The following G3BP1 variants were observed in gnomAD, a reference collection of about 807,000 sequenced individuals.
G3BP1 encodes the protein G3BP stress granule assembly factor 1.
Under a neutral mutation model 58.6 loss-of-function variants are expected in G3BP1, and 35 were observed. The observed-to-expected ratio is 0.60, with a 90% CI of 0.46 to 0.79. The LOEUF is 0.79. Among genes scored for constraint, G3BP1 ranks in the 30% least tolerant of loss-of-function variants. The probability of loss-of-function intolerance (pLI) is 0.00; values close to 1 mark genes in which losing one functional copy is unlikely to be tolerated. For missense variants in G3BP1, 523 were observed against 580.8 expected (o/e 0.90, Z 1.02); for synonymous variants, 191 against 195.4 (o/e 0.98, Z 0.19).
chr5:151,790,367 C>A lies in G3BP1; in HGVS notation c.140C>A (p.Ser47Ter). Residue 47 changes from serine to a stop codon, truncating the protein, a stop_gained, in exon 3 of 12, where the codon TCA (serine) becomes TAA (stop). Coordinates refer to ENST00000356245, the MANE Select transcript of G3BP1 (RefSeq NM_005754.3). LOFTEE classifies it high-confidence loss of function. Reference protein sequence around the residue: ...NSSYVHGGLDSNGKPADAVYG... With the variant: ...NSSYVHGGLD ...TCTTATGTCCATGGGGGATTGGATT[C>A]AAATGGAAAGCCAGCAGATGCAGTC... 6.3e-7 allele frequency: 1 copy of A among 1,585,286 alleles called. No individual in the cohort carries two copies. Among genetic ancestry groups the A allele is most frequent in the South Asian group, 1.2e-5 (1 of 85,726 alleles).
chr5:151,791,876 C>CT (rs1052318179), intron 4 of G3BP1: 5 of 326,714 alleles, frequency 1.5e-5, no homozygotes, highest in African/African-American at 4.4e-5. Context: ...AGGCTGGTCT[C>CT]TAACTCCTGA....
chr5:151,781,555 A>G (rs78867759), intron 1 of G3BP1, among the ~76,000 whole-genome samples: 1,995 of 152,318 alleles, frequency 0.013, 37 homozygotes, highest in African/African-American at 0.038. Context: ...CCCATACGAA[A>G]TATCACTAAT....
intron 1 of G3BP1, among the ~76,000 whole-genome samples, chr5:151,776,443 A>G (rs1762372266): frequency 6.6e-6 from 1 of 152,194 alleles, no homozygotes; most frequent in Admixed American, 6.5e-5. Context: ...GTGGAAGTAT[A>G]TTAAAGCTAC....
Position 151,786,689 on chromosome 5 carries a change from G to C in G3BP1, c.69G>C (p.Leu23=). The C allele has an allele frequency of 6.2e-7, 1 of 1,611,274 alleles. No homozygotes were observed. The highest frequency in any genetic ancestry group is 8.5e-7 in the Non-Finnish European group (1 of 1,177,428). ...TTGTGAGACAGTATTACACACTGCT[G>C]AACCAGGCCCCAGACATGCTGCATA... ...REFVRQYYTL[L]NQAPDMLHRF... The change falls in exon 2 of 12, where the codon CTG becomes CTC. Residue 23 remains leucine (L), a synonymous_variant. Coordinates refer to ENST00000356245, the MANE Select transcript of G3BP1 (RefSeq NM_005754.3).
intron 1 of G3BP1, among the ~76,000 whole-genome samples, chr5:151,783,769 C>T (rs550736396): frequency 1.3e-5 from 2 of 151,744 alleles, no homozygotes; most frequent in East Asian, 1.9e-4. Context: ...CCTAAACATT[C>T]TTTTTTTTCT....
At chr5:151,783,603 C>T (rs1388555568) in intron 1 of G3BP1, among the ~76,000 whole-genome samples, 1 of 151,490 alleles carries the variant, frequency 6.6e-6, no homozygotes, top group Non-Finnish European at 1.5e-5. Context: ...GTTGGCCAGG[C>T]TCATCTCAAA....
chr5:151,800,044 G>C (rs747357261), intron 9 of G3BP1, 44 bp downstream of exon 9: 1 of 1,348,530 alleles, frequency 7.4e-7, no homozygotes, highest in South Asian at 1.2e-5. Flanking sequence ...GGATTTTGAG[G>C]TGAGAGCTTA....
At chr5:151,774,354 T>C (rs536790841) in intron 1 of G3BP1, among the ~76,000 whole-genome samples, 24 of 152,124 alleles carry the variant, frequency 1.6e-4, no homozygotes, top group Admixed American at 1.3e-3. Flanking sequence ...TTTTTTTTTT[T>C]CCCACTCGTT....
In G3BP1 at chr5:151,804,630, G is replaced by A. The variant is rs1762912472; in HGVS notation, c.*539G>A. The A allele has an allele frequency of 6.6e-6, 1 of 152,462 alleles. No individual in the cohort carries two copies. Among genetic ancestry groups the A allele is most frequent in the Non-Finnish European group, 1.5e-5 (1 of 68,022 alleles). 9.4% of individuals were successfully genotyped at this position (152,462 alleles called of 1,614,324 possible). A position where few individuals can be genotyped will look rare whatever the true frequency, so the allele number is the denominator to read the frequency against. On this transcript the variant is annotated 3_prime_UTR_variant, in exon 12 of 12. Transcript: ENST00000356245. The stretch of plus-strand genomic sequence containing the variant: ...AATTTGACAATTTTGATTCTCACTG[G>A]TATGTTTAAAAACTGAATAAAAGGA...
At chr5:151,792,287 ATC>A (rs1762672888) in intron 4 of G3BP1, 1 of 234,344 alleles carries the variant, frequency 4.3e-6, no homozygotes, top group Middle Eastern at 8.4e-4. Context: ...TCTAGCATTA[ATC>A]TTAAGTTTTC....
Position 151,804,101 on chromosome 5 carries a change from G to T in G3BP1, c.*10G>T, listed in dbSNP as rs558305306. ...TGCGCCACGGCAGTGAATCTTCATG[G>T]ATCTTCATGCAGCCATACAAACCCT... On this transcript the variant is annotated 3_prime_UTR_variant, in exon 12 of 12. Coordinates refer to ENST00000356245, the MANE Select transcript of G3BP1 (RefSeq NM_005754.3). 6.4e-7 allele frequency: 1 copy of T among 1,568,712 alleles called. No homozygotes were observed. Among genetic ancestry groups the T allele is most frequent in the Non-Finnish European group, 8.7e-7 (1 of 1,150,126 alleles).
chr5:151,783,175 T>A (rs898904823), intron 1 of G3BP1, among the ~76,000 whole-genome samples: 1 of 152,062 alleles, frequency 6.6e-6, no homozygotes, highest in African/African-American at 2.4e-5. Context: ...ACTAATCTGT[T>A]TAAATTTGCT....
chr5:151,805,457 G>T lies in G3BP1; in HGVS notation c.*1366G>T, dbSNP rs987155977. ...GTTTACACGTGTGAAACAAACTTTT[G>T]TGTGATTGTCATTACTAATTGAAGG... On this transcript the variant is annotated 3_prime_UTR_variant, in exon 12 of 12. Coordinates refer to ENST00000356245, the MANE Select transcript of G3BP1 (RefSeq NM_005754.3). The T allele has an allele frequency of 1.3e-5, 2 of 152,402 alleles. No individual in the cohort carries two copies. Among genetic ancestry groups the T allele is most frequent in the Admixed American group, 6.5e-5 (1 of 15,280 alleles). 9.4% of individuals were successfully genotyped at this position (152,402 alleles called of 1,614,324 possible).
intron 11 of G3BP1, 21 bp downstream of exon 11, chr5:151,800,890 A>ATTTT (rs200261823): frequency 1.3e-5 from 11 of 836,754 alleles, no homozygotes; most frequent in Non-Finnish European, 1.5e-5. Context: ...TTTTGTCTTG[A>ATTTT]TTTTTTTTTT....
At chr5:151,778,859 C>T (rs1222298209) in intron 1 of G3BP1, among the ~76,000 whole-genome samples, 6 of 151,790 alleles carry the variant, frequency 4.0e-5, no homozygotes, top group Non-Finnish European at 8.8e-5. Context: ...GGGTTCGAGA[C>T]CAGCCTGGGC....
chr5:151,791,440 C>T (rs1471885421), intron 4 of G3BP1: 1 of 173,390 alleles, frequency 5.8e-6, no homozygotes, highest in African/African-American at 2.4e-5. Flanking sequence ...TTACACATTG[C>T]ATTTAGCTAT....
chr5:151,779,387 A>G (rs1042290966), intron 1 of G3BP1, among the ~76,000 whole-genome samples: 1 of 151,922 alleles, frequency 6.6e-6, no homozygotes, highest in African/African-American at 2.4e-5. Context: ...TATGATATCT[A>G]ATTGTTTCAG....
Position 151,811,256 on chromosome 5 carries a change from T to A in G3BP1, c.*7165T>A, listed in dbSNP as rs935577168. Reference sequence around the variant, plus strand: ...ATGTATTCCATGTATGTGTTCTCTCTCCCCTATTAGACTGTAAGCTCCTTA... The same window carrying A: ...ATGTATTCCATGTATGTGTTCTCTCACCCCTATTAGACTGTAAGCTCCTTA... On this transcript the variant is annotated 3_prime_UTR_variant, in exon 12 of 12. Coordinates refer to ENST00000356245, the MANE Select transcript of G3BP1 (RefSeq NM_005754.3). 1 of 152,232 alleles carries A rather than the reference T, an allele frequency of 6.6e-6. No individual in the cohort carries two copies. Among genetic ancestry groups the A allele is most frequent in the Non-Finnish European group, 1.5e-5 (1 of 68,052 alleles). The allele number at this position is 152,232 out of a possible 1,614,324, so 9.4% of individuals were successfully genotyped here.
At chr5:151,785,258 T>C (rs1413813143) in intron 1 of G3BP1, among the ~76,000 whole-genome samples, 1 of 152,230 alleles carries the variant, frequency 6.6e-6, no homozygotes, top group Admixed American at 6.5e-5. Context: ...GGGAAGCTTC[T>C]TCATATTGAT....
Sources: allele counts gnomAD v4.1 joint callset (sites outside exome capture counted in the v4.1 genomes callset), GRCh38; gene constraint gnomAD v4.1.1; transcripts MANE v1.5; gene names NCBI Gene and HGNC (gene_info 2026-07-23, HGNC 2026-07-21).